GMPS: variants seen among roughly 807,000 people sequenced by gnomAD.
GMPS encodes guanosine monophosphate synthase.
GMPS carries 15 observed loss-of-function variants against 77.9 expected under a neutral mutation model. The observed-to-expected ratio is 0.19, with a 90% CI of 0.13 to 0.30. GMPS has a LOEUF of 0.30. Ranked by LOEUF, GMPS falls within the 10% of genes least tolerant of loss-of-function variation. The pLI, the probability that GMPS is intolerant of heterozygous loss-of-function variation, is 1.00. For missense variants in GMPS, 590 were observed against 838.8 expected (o/e 0.70, Z 3.66); for synonymous variants, 224 against 275.9 (o/e 0.81, Z 1.86).
chr3:155,935,992 C>T lies in GMPS; in HGVS notation c.1808-346C>T, dbSNP rs1055432587. Among the ~76,000 whole-genome samples the T allele has an allele frequency of 2.6e-5, 4 of 152,154 alleles. No individual in the cohort carries two copies. In the East Asian group the frequency reaches 5.8e-4, roughly 22 times the overall value. ...CAACCAGAGGCTTGCAGGAACCTAA[C>T]CCTCCATTTCCCCTGGGAGAAATGG... is the stretch of plus-strand genomic sequence containing the variant. On this transcript the variant is annotated intron_variant, in intron 14 of 15. Coordinates refer to ENST00000496455, the MANE Select transcript of GMPS (RefSeq NM_003875.3).
intron 10 of GMPS, 98 bp downstream of exon 10, chr3:155,919,436 G>A (rs1353448937): frequency 1.6e-6 from 1 of 639,606 alleles, no homozygotes; most frequent in Non-Finnish European, 2.8e-6. Flanking sequence ...TCATCTCAGG[G>A]AATATGTAAC....
chr3:155,931,872 C>T lies in GMPS; in HGVS notation c.1668C>T (p.Asn556=), dbSNP rs762758089. 8.9e-6 allele frequency: 13 copies of T among 1,456,320 alleles called. No homozygotes were observed. Among genetic ancestry groups the T allele is most frequent in the East Asian group, 4.5e-5 (2 of 44,020 alleles). The allele number at this position is 1,456,320 out of a possible 1,614,324, so 90.2% of individuals were successfully genotyped here. The change falls in exon 13 of 16, where the codon AAC becomes AAT. Residue 556 remains asparagine, a synonymous_variant. Coordinates refer to ENST00000496455, the MANE Select transcript of GMPS (RefSeq NM_003875.3). ...LARLIPRMCH[N]VNRVVYIFGP... ...GGCTTATACCTCGCATGTGTCACAA[C>T]GTTAACAGGTGTGTTTCACAGGAGC...
chr3:155,930,849 T>C (rs981964042), intron 12 of GMPS, among the ~76,000 whole-genome samples: 2 of 152,100 alleles, frequency 1.3e-5, no homozygotes, highest in African/African-American at 4.8e-5. Context: ...TGAGATGGGG[T>C]CTTACTCTGT....
chr3:155,942,519 C>T lies in GMPS; in HGVS notation c.*4827C>T, dbSNP rs1464600282. On this transcript the variant is annotated 3_prime_UTR_variant, in exon 16 of 16. Coordinates refer to ENST00000496455, the MANE Select transcript of GMPS (RefSeq NM_003875.3). ...GAGAGATGCAGGCCATAGAGATGGT[C>T]TTGCTGAAGGTCTTATAGCTAAATT... 3 of 227,406 alleles carry T rather than the reference C, an allele frequency of 1.3e-5. No individual in the cohort carries two copies. Among genetic ancestry groups the T allele is most frequent in the African/African-American group, 6.7e-5 (3 of 45,024 alleles). The allele number at this position is 227,406 out of a possible 1,614,324, so 14.1% of individuals were successfully genotyped here.
intron 1 of GMPS, among the ~76,000 whole-genome samples, chr3:155,880,775 A>G (rs1436885021): frequency 6.6e-6 from 1 of 152,048 alleles, no homozygotes; most frequent in Non-Finnish European, 1.5e-5. Flanking sequence ...TCTGTTAGGC[A>G]TATTATCTTG....
At chr3:155,891,824 T>G (rs1754475406) in intron 1 of GMPS, among the ~76,000 whole-genome samples, 1 of 152,260 alleles carries the variant, frequency 6.6e-6, no homozygotes, top group South Asian at 2.1e-4. Flanking sequence ...CAGGCTGGTC[T>G]TGAACTCCTG....
At chr3:155,911,419 C>T in intron 7 of GMPS, 140 bp downstream of exon 7, 1 of 521,856 alleles carries the variant, frequency 1.9e-6, no homozygotes, top group Non-Finnish European at 3.3e-6. Context: ...ACAATTACCT[C>T]TGGTGTAAGA....
intron 10 of GMPS, among the ~76,000 whole-genome samples, chr3:155,920,540 A>G (rs1755292062): frequency 6.7e-6 from 1 of 148,208 alleles, no homozygotes; most frequent in Non-Finnish European, 1.5e-5. Flanking sequence ...ACACCACAGC[A>G]CTCCAACCTG....
chr3:155,877,907 G>T (rs1428655936), intron 1 of GMPS, among the ~76,000 whole-genome samples: 2 of 150,078 alleles, frequency 1.3e-5, no homozygotes, highest in Admixed American at 1.3e-4. Flanking sequence ...TCAGCCTCCC[G>T]AGTAGCTGGG....
At chr3:155,915,527 G>A (rs1755157132) in intron 8 of GMPS, among the ~76,000 whole-genome samples, 1 of 152,134 alleles carries the variant, frequency 6.6e-6, no homozygotes, top group African/African-American at 2.4e-5. Flanking sequence ...TCAACTTCCT[G>A]AGTAGCTGGG....
At chr3:155,870,626 G>A (rs1323198831), upstream of GMPS, 2 of 458,268 alleles carry the variant, frequency 4.4e-6, no homozygotes, top group South Asian at 3.2e-5. Context: ...GTGGCCGGCC[G>A]GGGCGGAAGC....
intron 1 of GMPS, among the ~76,000 whole-genome samples, chr3:155,882,678 A>G (rs758726978): frequency 6.6e-6 from 1 of 152,260 alleles, no homozygotes. Context: ...AATTTTTATT[A>G]TAGATGCAAC....
upstream of GMPS, chr3:155,870,546 CGG>C (rs1753875688): frequency 3.6e-6 from 1 of 280,590 alleles, no homozygotes; most frequent in Non-Finnish European, 6.7e-6. Flanking sequence ...GAGGGCCGGC[CGG>C]TTTGGCGGCG....
At chr3:155,870,956 G>C in intron 1 of GMPS, 59 bp downstream of exon 1, 2 of 1,393,574 alleles carry the variant, frequency 1.4e-6, no homozygotes, top group Non-Finnish European at 9.3e-7. Context: ...CCCGGACCGG[G>C]GAGCCACCCC....
intron 1 of GMPS, among the ~76,000 whole-genome samples, chr3:155,874,688 G>C (rs1753987665): frequency 6.6e-6 from 1 of 152,008 alleles, no homozygotes; most frequent in African/African-American, 2.4e-5. Flanking sequence ...TGCCTTTAGC[G>C]TGGGCCAACT....
chr3:155,912,373 G>A (rs1248583029), intron 7 of GMPS, among the ~76,000 whole-genome samples: 1 of 152,198 alleles, frequency 6.6e-6, no homozygotes, highest in East Asian at 1.9e-4. Flanking sequence ...TTAAGCTAGG[G>A]GGGTCTCTCC....
intron 1 of GMPS, among the ~76,000 whole-genome samples, chr3:155,874,032 C>T (rs556833268): frequency 5.3e-5 from 8 of 152,296 alleles, no homozygotes; most frequent in South Asian, 2.1e-4. Context: ...ATCCCTCACC[C>T]GCTTCCTACC....
At chr3:155,873,612 G>A (rs1753953200) in intron 1 of GMPS, among the ~76,000 whole-genome samples, 1 of 136,380 alleles carries the variant, frequency 7.3e-6, no homozygotes, top group African/African-American at 2.7e-5. Flanking sequence ...TGGGGAGCAG[G>A]TGTCGTTAGG....
At chr3:155,910,087 A>G (rs1213890658) in intron 5 of GMPS, among the ~76,000 whole-genome samples, 1 of 149,488 alleles carries the variant, frequency 6.7e-6, no homozygotes, top group Non-Finnish European at 1.5e-5. Context: ...TACTAAAAAT[A>G]TAAAAGAAAT....
Sources: gnomAD v4.1 joint callset for allele counts (sites outside exome capture counted in the v4.1 genomes callset) on GRCh38, gnomAD v4.1.1 for gene constraint, MANE v1.5 for transcripts, NCBI Gene and HGNC (gene_info 2026-07-23, HGNC 2026-07-21) for gene names.